The following DCDC1 variants were observed in gnomAD, a reference collection of about 807,000 sequenced individuals.
The protein encoded by DCDC1 is doublecortin domain-containing protein 1.
Under a neutral mutation model 178.3 loss-of-function variants are expected in DCDC1, and 200 were observed. That is an observed-to-expected ratio of 1.12 (90% confidence interval 1.00 to 1.26). DCDC1 has a LOEUF of 1.26. DCDC1 is among the 50% of genes most tolerant of loss of function. The pLI, the probability that DCDC1 is intolerant of heterozygous loss-of-function variation, is 0.00. For missense variants in DCDC1, 1,983 were observed against 1,749.2 expected (o/e 1.13, Z -2.38); for synonymous variants, 690 against 604.8 (o/e 1.14, Z -2.07).
At chr11:31,213,216 T>TC (rs1973009655) in intron 9 of DCDC1, among the ~76,000 whole-genome samples, 1 of 147,652 alleles carries the variant, frequency 6.8e-6, no homozygotes, top group Non-Finnish European at 1.5e-5. Flanking sequence ...CATGTGGCTC[T>TC]TCAGTCACTT....
intron 3 of DCDC1, among the ~76,000 whole-genome samples, chr11:31,326,576 T>C (rs1340808261): frequency 6.6e-6 from 1 of 152,194 alleles, no homozygotes; most frequent in African/African-American, 2.4e-5. Context: ...GAGTGACTTA[T>C]GTCCCTACAA....
intron 9 of DCDC1, among the ~76,000 whole-genome samples, chr11:31,178,652 A>C (rs1351484474): frequency 6.6e-6 from 1 of 152,192 alleles, no homozygotes; most frequent in Non-Finnish European, 1.5e-5. Context: ...AGAATATAAA[A>C]ACAACTTAAA....
chr11:30,935,390 T>G (rs1019235735), intron 21 of DCDC1, among the ~76,000 whole-genome samples: 15 of 152,194 alleles, frequency 9.9e-5, no homozygotes, highest in African/African-American at 3.1e-4. Context: ...CATCAAATCT[T>G]ATAGTCTGGG....
At position 31,306,266 on chromosome 11, in the gene DCDC1, A is replaced by T; in HGVS notation, c.557T>A (p.Val186Asp). The change falls in exon 5 of 39, where the codon GTC becomes GAC. Residue 186 changes from valine to aspartate, a missense_variant. By Grantham distance (152) the Val-to-Asp change is radical. Transcript: ENST00000684477. ...GGTTGGTACAGTAACTCTGGCAAAG[A>T]CTGTTCTAGATCCATTTTTGTAAGC... ...VTAYKNGSRT[V>D]FARVTVPTIT... 1 of 1,599,656 alleles carries T rather than the reference A, an allele frequency of 6.3e-7. No individual in the cohort carries two copies. Among genetic ancestry groups the T allele is most frequent in the Non-Finnish European group, 8.5e-7 (1 of 1,172,798 alleles).
At chr11:31,245,709 C>T (rs559526225) in intron 8 of DCDC1, among the ~76,000 whole-genome samples, 2 of 151,870 alleles carry the variant, frequency 1.3e-5, no homozygotes, top group East Asian at 1.9e-4. Flanking sequence ...ATAAATCATG[C>T]TTCTATAGGA....
At chr11:31,358,106 C>T (rs1259312043) in intron 1 of DCDC1, among the ~76,000 whole-genome samples, 2 of 150,016 alleles carry the variant, frequency 1.3e-5, no homozygotes, top group Admixed American at 1.3e-4. Context: ...TCATATGGAA[C>T]CAAAAAAGAG....
chr11:31,066,370 A>G (rs1956249193), intron 18 of DCDC1, among the ~76,000 whole-genome samples: 1 of 152,194 alleles, frequency 6.6e-6, no homozygotes. Flanking sequence ...AAGTTAAGCA[A>G]CATGCTTCAG....
At chr11:31,161,255 G>A (rs2554045) in intron 9 of DCDC1, among the ~76,000 whole-genome samples, 2 of 152,226 alleles carry the variant, frequency 1.3e-5, no homozygotes, top group Non-Finnish European at 1.5e-5. Flanking sequence ...GAAATCAAAC[G>A]GGGAGTCAAT....
intron 3 of DCDC1, among the ~76,000 whole-genome samples, chr11:31,321,398 G>T (rs2137775170): frequency 6.8e-6 from 1 of 147,828 alleles, no homozygotes; most frequent in Admixed American, 6.8e-5. Flanking sequence ...GCAATATTCG[G>T]GTGGGAGTGA....
intron 37 of DCDC1, 132 bp downstream of exon 37, chr11:30,881,026 T>A: frequency 1.9e-6 from 2 of 1,028,984 alleles, no homozygotes; most frequent in East Asian, 5.3e-5. Flanking sequence ...TTAACTTCCA[T>A]AACATGGAGT....
chr11:31,068,189 A>C (rs1290193891), intron 18 of DCDC1, among the ~76,000 whole-genome samples: 1 of 152,182 alleles, frequency 6.6e-6, no homozygotes, highest in Non-Finnish European at 1.5e-5. Context: ...TTGTTGAATT[A>C]ATCAATGAGT....
At chr11:30,874,101 A>G (rs538595159) in intron 38 of DCDC1, among the ~76,000 whole-genome samples, 17 of 152,190 alleles carry the variant, frequency 1.1e-4, no homozygotes, top group Non-Finnish European at 2.2e-4. Flanking sequence ...TTGTCTTCAT[A>G]GCCCCTGAAT....
chr11:30,868,242 CTTTTTTTTTTTT>C (rs35180579), intron 38 of DCDC1, among the ~76,000 whole-genome samples: 44 of 61,042 alleles, frequency 7.2e-4, no homozygotes, highest in Non-Finnish European at 1.0e-3. Context: ...TTCATACCTG[CTTTTTTTTTTTT>C]TTTTTTTTTT....
chr11:30,881,401 C>A, intron 36 of DCDC1, 93 bp from the exon 37 acceptor site: 1 of 1,464,098 alleles, frequency 6.8e-7, no homozygotes, highest in East Asian at 2.3e-5. Context: ...ACTATTATCC[C>A]AGTTTGATTA....
At chr11:31,126,681 T>G (rs993870596) in intron 11 of DCDC1, among the ~76,000 whole-genome samples, 3 of 152,282 alleles carry the variant, frequency 2.0e-5, no homozygotes, top group Non-Finnish European at 4.4e-5. Context: ...ATTTCTTAAA[T>G]GGAAATAGGC....
In DCDC1 at chr11:31,178,723, T is replaced by C. The variant is rs1180086219; in HGVS notation, c.1222-40939A>G. Among the ~76,000 whole-genome samples, 4 of 152,280 alleles carry C rather than the reference T, an allele frequency of 2.6e-5. No individual in the cohort carries two copies. In the East Asian group the frequency reaches 5.8e-4, roughly 22 times the overall value. ...TCTTTTTTTTCCTGAGACGGAGTCT[T>C]GCTCTGTCACCCAGGCTGGAATGCA... On this transcript the variant is annotated intron_variant, in intron 9 of 38. Transcript: ENST00000684477.
chr11:31,306,238 G>T lies in DCDC1; in HGVS notation c.585C>A (p.Ile195=). The stretch of plus-strand genomic sequence containing the variant: ...ACTTTGGAACACTAGTTACCAAGGT[G>T]ATGGTTGGTACAGTAACTCTGGCAA... ...TVFARVTVPT[I]TLLLEECTEK... Residue 195 remains isoleucine (I), a synonymous_variant, in exon 5 of 39, where the codon ATC becomes ATA. Coordinates refer to ENST00000684477, the MANE Select transcript of DCDC1 (RefSeq NM_001387274.1). 3.9e-6 allele frequency: 6 copies of T among 1,540,718 alleles called. No individual in the cohort carries two copies. The highest frequency in any genetic ancestry group is 4.4e-6 in the Non-Finnish European group (5 of 1,144,078).
chr11:30,911,235 G>GTT, intron 28 of DCDC1, 92 bp downstream of exon 28: 320 of 801,374 alleles, frequency 4.0e-4, no homozygotes, highest in South Asian at 8.1e-4. Context: ...TTCTATGACA[G>GTT]TTTTTTTTTT....
intron 21 of DCDC1, among the ~76,000 whole-genome samples, chr11:30,941,336 A>G (rs888275800): frequency 1.3e-5 from 2 of 152,148 alleles, no homozygotes; most frequent in Non-Finnish European, 2.9e-5. Context: ...TCAGACTAAA[A>G]GCCAAAGGCC....
Sources: gnomAD v4.1 joint callset for allele counts (sites outside exome capture counted in the v4.1 genomes callset) on GRCh38, gnomAD v4.1.1 for gene constraint, MANE v1.5 for transcripts, NCBI Gene and HGNC (gene_info 2026-07-23, HGNC 2026-07-21) for gene names.